RNF150: variants seen among roughly 807,000 people sequenced by gnomAD.
RNF150 encodes the protein ring finger protein 150.
RNF150 carries 24 observed loss-of-function variants against 39.3 expected under a neutral mutation model. The ratio of observed to expected loss-of-function variants is 0.61; its 90% CI spans 0.44 to 0.86. RNF150 has a LOEUF of 0.86. Among genes scored for constraint, RNF150 ranks in the 40% least tolerant of loss-of-function variants. RNF150 has a pLI of 0.00. For missense variants in RNF150, 502 were observed against 587.8 expected, an observed-to-expected ratio of 0.85 and a Z score of 1.51; for synonymous variants, 255 against 227.3, an observed-to-expected ratio of 1.12 and a Z score of -1.10.
chr4:141,022,458 G>A (rs928018038), intron 1 of RNF150, among the ~76,000 whole-genome samples: 6 of 152,162 alleles, frequency 3.9e-5, no homozygotes, highest in Non-Finnish European at 7.3e-5. Flanking sequence ...GTACAGATGG[G>A]AGTAAGGTGA....
intron 1 of RNF150, among the ~76,000 whole-genome samples, chr4:141,080,635 T>C (rs1243167131): frequency 1.3e-5 from 2 of 152,228 alleles, no homozygotes; most frequent in African/African-American, 2.4e-5. Context: ...TTTTGTTCTT[T>C]TCTGTCTCTA....
chr4:141,151,798 A>G (rs780336433), intron 1 of RNF150, among the ~76,000 whole-genome samples: 8 of 152,222 alleles, frequency 5.3e-5, no homozygotes, highest in Non-Finnish European at 1.0e-4. Flanking sequence ...AAATAATTTG[A>G]AATTCCCTGA....
intron 1 of RNF150, among the ~76,000 whole-genome samples, chr4:141,202,489 G>A (rs1389623999): frequency 6.6e-5 from 10 of 151,788 alleles, no homozygotes; most frequent in Admixed American, 2.0e-4. Flanking sequence ...TGTTTTACTA[G>A]GTGTGAGTTT....
In RNF150 at chr4:140,860,157, C is replaced by A. The variant is rs1004341403; in HGVS notation, c.*8104G>T. On this transcript the variant is annotated 3_prime_UTR_variant, in exon 7 of 7. Coordinates refer to ENST00000515673, the MANE Select transcript of RNF150 (RefSeq NM_020724.2). ...GTTACTTTTTTTTTTTTTTCAATTT[C>A]TTTGTATTTCAAGAGGGATATAAAG... is the stretch of plus-strand genomic sequence containing the variant. 2 of 133,018 alleles carry A rather than the reference C, an allele frequency of 1.5e-5. No homozygotes were observed. The highest frequency in any genetic ancestry group is 2.1e-4 in the East Asian group (1 of 4,700). The allele number at this position is 133,018 out of a possible 1,614,324, so 8.2% of individuals were successfully genotyped here.
At chr4:140,906,832 T>C (rs760236599) in intron 6 of RNF150, among the ~76,000 whole-genome samples, 2 of 152,090 alleles carry the variant, frequency 1.3e-5, no homozygotes, top group Admixed American at 1.3e-4. Flanking sequence ...TAGTCTGAGA[T>C]GGAAGAAGGG....
intron 1 of RNF150, among the ~76,000 whole-genome samples, chr4:141,085,125 G>T (rs1367630150): frequency 2.0e-5 from 3 of 152,154 alleles, no homozygotes; most frequent in African/African-American, 2.4e-5. Context: ...GGCTGGAAAG[G>T]CCTCACAGTC....
At position 140,949,321 on chromosome 4, in the gene RNF150, T is replaced by A; in HGVS notation, c.787A>T (p.Thr263Ser). The stretch of plus-strand genomic sequence containing the variant: ...ATTACCTTGTCACCCTTCTTGATGG[T>A]CCTGATCTGGAGTTTGCTGATGGCT... ...KKAISKLQIRTIKKGDKETES... is the reference protein window; with the variant it reads ...KKAISKLQIRSIKKGDKETES... Residue 263 changes from threonine (T) to serine (S), a missense_variant, in exon 3 of 7, where the codon ACC becomes TCC. By Grantham distance (58) the Thr-to-Ser change is moderately conservative (BLOSUM62 1). Coordinates refer to ENST00000515673, the MANE Select transcript of RNF150 (RefSeq NM_020724.2). 1 of 1,612,886 alleles carries A rather than the reference T, an allele frequency of 6.2e-7. No individual in the cohort carries two copies. The highest frequency in any genetic ancestry group is 8.5e-7 in the Non-Finnish European group (1 of 1,179,266).
chr4:141,039,857 C>T (rs964879978), intron 1 of RNF150, among the ~76,000 whole-genome samples: 1 of 152,064 alleles, frequency 6.6e-6, no homozygotes, highest in African/African-American at 2.4e-5. Context: ...AAAATTCAGG[C>T]CCAGGGGTGG....
At chr4:140,923,706 G>A (rs901527773) in intron 5 of RNF150, among the ~76,000 whole-genome samples, 2 of 152,150 alleles carry the variant, frequency 1.3e-5, no homozygotes, top group Non-Finnish European at 2.9e-5. Flanking sequence ...CAATAGCAAA[G>A]ATTTGGAACC....
intron 1 of RNF150, among the ~76,000 whole-genome samples, chr4:141,157,851 G>A (rs2111152584): frequency 6.6e-6 from 1 of 152,318 alleles, no homozygotes; most frequent in South Asian, 2.1e-4. Flanking sequence ...GGCAAGTCAA[G>A]TGTCTCGTCC....
At chr4:140,958,027 A>G (rs951284139) in intron 2 of RNF150, among the ~76,000 whole-genome samples, 1 of 152,140 alleles carries the variant, frequency 6.6e-6, no homozygotes, top group Non-Finnish European at 1.5e-5. Context: ...CATGTACCCT[A>G]AAACTTAAAG....
At chr4:141,097,448 AAAAT>A (rs1351501508) in intron 1 of RNF150, among the ~76,000 whole-genome samples, 8 of 152,326 alleles carry the variant, frequency 5.3e-5, no homozygotes, top group African/African-American at 1.9e-4. Context: ...TAATAACTAT[AAAAT>A]AAAATACTAA....
At chr4:140,997,830 T>G (rs1045590349) in intron 1 of RNF150, among the ~76,000 whole-genome samples, 1 of 148,178 alleles carries the variant, frequency 6.7e-6, no homozygotes, top group African/African-American at 2.5e-5. Flanking sequence ...AAAAAGAAAA[T>G]AAAAGAGTCC....
intron 1 of RNF150, among the ~76,000 whole-genome samples, chr4:141,122,278 CTA>C (rs1162769162): frequency 6.6e-6 from 1 of 152,234 alleles, no homozygotes; most frequent in Non-Finnish European, 1.5e-5. Flanking sequence ...CATGATGATT[CTA>C]TCTCTGACAC....
chr4:141,002,043 G>A (rs1205465247), intron 1 of RNF150, among the ~76,000 whole-genome samples: 1 of 152,002 alleles, frequency 6.6e-6, no homozygotes, highest in African/African-American at 2.4e-5. Context: ...ATGTATCTAT[G>A]TATATTTATA....
At chr4:141,010,699 A>G (rs971179352) in intron 1 of RNF150, among the ~76,000 whole-genome samples, 5 of 152,064 alleles carry the variant, frequency 3.3e-5, no homozygotes, top group Non-Finnish European at 7.4e-5. Context: ...ACCATACATC[A>G]AAGTTCTATC....
chr4:141,144,398 G>C (rs1268832656), intron 1 of RNF150, among the ~76,000 whole-genome samples: 1 of 152,178 alleles, frequency 6.6e-6, no homozygotes, highest in African/African-American at 2.4e-5. Context: ...TGTTGAATTA[G>C]TCTTTAATTT....
At chr4:140,999,022 T>C (rs1734482368) in intron 1 of RNF150, among the ~76,000 whole-genome samples, 1 of 151,484 alleles carries the variant, frequency 6.6e-6, no homozygotes, top group South Asian at 2.1e-4. Context: ...CTGCTGCTGC[T>C]GACACAGAAT....
chr4:141,025,099 A>G (rs1477737026), intron 1 of RNF150, among the ~76,000 whole-genome samples: 1 of 152,202 alleles, frequency 6.6e-6, no homozygotes, highest in Non-Finnish European at 1.5e-5. Context: ...TAGCTGATAA[A>G]GCAAATAAAT....
Sources: gnomAD v4.1 joint callset for allele counts (sites outside exome capture counted in the v4.1 genomes callset) on GRCh38, gnomAD v4.1.1 for gene constraint, MANE v1.5 for transcripts, NCBI Gene and HGNC (gene_info 2026-07-23, HGNC 2026-07-21) for gene names.